ABCA4: variants seen among roughly 807,000 people sequenced by gnomAD.
ABCA4 encodes retinal-specific phospholipid-transporting ATPase ABCA4.
ABCA4 carries 196 observed loss-of-function variants against 263.7 expected under a neutral mutation model. That is an observed-to-expected ratio of 0.74 (90% CI 0.66 to 0.84). ABCA4 has a LOEUF of 0.84. Among genes scored for constraint, ABCA4 ranks in the 40% least tolerant of loss-of-function variants. ABCA4 has a pLI of 0.00. For synonymous variants in ABCA4, 1,133 were observed against 1,094.2 expected (o/e 1.04, Z -0.70); for missense variants, 2,792 against 2,855.1 (o/e 0.98, Z 0.50).
At chr1:94,019,499 C>G in intron 36 of ABCA4, 83 bp downstream of exon 36, 1 of 1,473,142 alleles carries the variant, frequency 6.8e-7, no homozygotes. Context: ...AACCCCTCCC[C>G]TCTTGGTCTG....
intron 11 of ABCA4, among the ~76,000 whole-genome samples, chr1:94,065,251 C>T (rs1322281210): frequency 6.6e-6 from 1 of 152,112 alleles, no homozygotes; most frequent in Admixed American, 6.5e-5. Flanking sequence ...GTAGGTGGAT[C>T]AGCAATTACT....
At chr1:94,069,016 A>C (rs1179022931) in intron 11 of ABCA4, among the ~76,000 whole-genome samples, 2 of 152,228 alleles carry the variant, frequency 1.3e-5, no homozygotes, top group Non-Finnish European at 2.9e-5. Context: ...CCACCATTTG[A>C]AGTCCACACA....
Position 94,113,207 on chromosome 1 carries a change from C to T in ABCA4, c.67-141G>A, listed in dbSNP as rs74104524. 16,872 of 770,872 alleles carry T rather than the reference C, an allele frequency of 0.022. 376 individuals are homozygous for T. Among genetic ancestry groups the T allele is most frequent in the African/African-American group, 0.087 (5,075 of 58,092 alleles). The allele number at this position is 770,872 out of a possible 1,614,324, so 47.8% of individuals were successfully genotyped here. ...GTGGTATCTTTACCTAAACAGTTTC[C>T]TTCCTTTACCCCCTCCCCACCATAC... On this transcript the variant is annotated intron_variant, in intron 1 of 49. Transcript: ENST00000370225.
chr1:94,030,396 T>G (rs75424561), intron 29 of ABCA4, 32 bp downstream of exon 29: 43 of 1,605,052 alleles, frequency 2.7e-5, no homozygotes, highest in Non-Finnish European at 3.6e-5. Flanking sequence ...GGGGAGCTAG[T>G]CTTCTTAGGA....
At chr1:94,086,282 T>A (rs901529086) in intron 6 of ABCA4, among the ~76,000 whole-genome samples, 3 of 152,212 alleles carry the variant, frequency 2.0e-5, no homozygotes, top group Non-Finnish European at 4.4e-5. Context: ...ATCCATTGCA[T>A]TTTCTGTACA....
At chr1:94,038,341 T>TTC (rs1226999780) in intron 24 of ABCA4, among the ~76,000 whole-genome samples, 1 of 152,088 alleles carries the variant, frequency 6.6e-6, no homozygotes, top group Admixed American at 6.5e-5. Flanking sequence ...GAAGAGAGAG[T>TTC]TCTCTCGCAC....
intron 32 of ABCA4, 134 bp downstream of exon 32, chr1:94,023,252 C>A: frequency 1.4e-6 from 1 of 726,772 alleles, no homozygotes; most frequent in South Asian, 1.6e-5. Context: ...TTCTTCAGGA[C>A]GTGTCTTGTG....
chr1:94,076,449 T>G (rs1431472457), intron 11 of ABCA4, among the ~76,000 whole-genome samples: 1 of 152,216 alleles, frequency 6.6e-6, no homozygotes, highest in Non-Finnish European at 1.5e-5. Flanking sequence ...ATTATTTATG[T>G]CCACCAATAA....
In ABCA4 at chr1:94,056,798, C is replaced by T. The variant is rs771277298; in HGVS notation, c.2185G>A (p.Asp729Asn). 1.1e-5 allele frequency: 17 copies of T among 1,609,120 alleles called. No homozygotes were observed. The highest frequency in any genetic ancestry group is 1.3e-5 in the African/African-American group (1 of 74,788). Residue 729 changes from aspartate to asparagine, a missense_variant, in exon 15 of 50, where the codon GAC (aspartate) becomes AAC (asparagine). Transcript: ENST00000370225. ...AAGAACAGGAAGAGGATGAATGGGT[C>T]GCTGTAATGTAGGATTCTTCCATGC... ...IMHGRILHYSDPFILFLFLLA... is the reference protein window; with the variant it reads ...IMHGRILHYSNPFILFLFLLA...
rs1280742023 is a variant in ABCA4, at chr1:94,083,424, G to A, written c.786C>T (p.Asp262=). Residue 262 remains aspartate (D), a synonymous_variant, in exon 7 of 50, where the codon GAC becomes GAT. Coordinates refer to ENST00000370225, the MANE Select transcript of ABCA4 (RefSeq NM_000350.3). The part of the protein sequence containing the change: ...KLFRVLPTLL[D]SRSQGINLRS... Reference sequence around the variant, plus strand: ...TCAGATTGATACCTTGAGAACGGCTGTCTAGGAGTGTGGGAAGCTGTAATT... The same window carrying A: ...TCAGATTGATACCTTGAGAACGGCTATCTAGGAGTGTGGGAAGCTGTAATT... 1 of 1,613,482 alleles carries A rather than the reference G, an allele frequency of 6.2e-7. No homozygotes were observed. The highest frequency in any genetic ancestry group is 1.7e-5 in the Admixed American group (1 of 60,028).
rs756670412 is a variant in ABCA4, at chr1:94,019,663, C to A, written c.5115G>T (p.Arg1705=). Residue 1705 remains arginine (R), a synonymous_variant, in exon 36 of 50, where the codon CGG becomes CGT. Coordinates refer to ENST00000370225, the MANE Select transcript of ABCA4 (RefSeq NM_000350.3). ...ACTGGAGGTGCTTGGATTTGTTCAC[C>A]CGCTCCTGGATCAAATAAAGGACAA... ...ASFVLYLIQE[R]VNKSKHLQFI... 2.5e-6 allele frequency: 4 copies of A among 1,613,352 alleles called. No individual in the cohort carries two copies. The highest frequency in any genetic ancestry group is 3.4e-6 in the Non-Finnish European group (4 of 1,179,724).
chr1:94,078,893 C>G (rs1233602890), intron 9 of ABCA4, among the ~76,000 whole-genome samples, 187 bp from the exon 10 acceptor site: 1 of 152,138 alleles, frequency 6.6e-6, no homozygotes, highest in African/African-American at 2.4e-5. Flanking sequence ...CCTGGGCTGA[C>G]AGAATCTAAT....
In ABCA4 at chr1:94,001,911, G is replaced by A. The variant is rs61750645; in HGVS notation, c.6229C>T (p.Arg2077Trp). The A allele has an allele frequency of 8.7e-6, 14 of 1,614,088 alleles. No homozygotes were observed. Among genetic ancestry groups the A allele is most frequent in the Non-Finnish European group, 1.1e-5 (13 of 1,180,048 alleles). The change falls in exon 45 of 50, where the codon CGG becomes TGG. Residue 2077 changes from arginine to tryptophan, a missense_variant. By Grantham distance (101) the Arg-to-Trp change is moderately radical (BLOSUM62 -3). Coordinates refer to ENST00000370225, the MANE Select transcript of ABCA4 (RefSeq NM_000350.3). ...LAGTYSGGNKRKLSTAIALIG... is the reference protein window; with the variant it reads ...LAGTYSGGNKWKLSTAIALIG... ...AGTGCGATGGCTGTGGAGAGTTTCC[G>A]CTTGTTGCCCCCACTGTACGTGCCA... is the stretch of plus-strand genomic sequence containing the variant.
At chr1:94,063,877 C>CA (rs1661196958) in intron 11 of ABCA4, among the ~76,000 whole-genome samples, 4 of 151,806 alleles carry the variant, frequency 2.6e-5, no homozygotes, top group Middle Eastern at 3.4e-3. Context: ...AATTCTGTGA[C>CA]AAGTAATGCT....
chr1:94,030,697 G>A lies in ABCA4; in HGVS notation c.4254-171C>T, dbSNP rs2297671. On this transcript the variant is annotated intron_variant, in intron 28 of 49. Coordinates refer to ENST00000370225, the MANE Select transcript of ABCA4 (RefSeq NM_000350.3). ...AGTGCGGTAGGCTGCCTGAACACTCGCAGTGGTCTGATGGCATGTCACCTA... is the reference window on the plus strand; with the variant it reads ...AGTGCGGTAGGCTGCCTGAACACTCACAGTGGTCTGATGGCATGTCACCTA... 0.45 allele frequency among the ~76,000 whole-genome samples: 68,028 copies of A among 152,008 alleles called. 15,452 individuals carry two copies. Among genetic ancestry groups the A allele is most frequent in the Non-Finnish European group, 0.49 (33,274 of 67,946 alleles).
At position 94,079,251 on chromosome 1, in the gene ABCA4, A is replaced by T. The variant is rs113931184; in HGVS notation, c.1239+71T>A. ...GCTACCAGGAAGGCACATCTCTCTC[A>T]CACACACACACACACACACACACTT... On this transcript the variant is annotated intron_variant, in intron 9 of 49. Transcript: ENST00000370225. The T allele has an allele frequency of 0.036, 29,771 of 837,916 alleles. 100 individuals are homozygous for T. Among genetic ancestry groups the T allele is most frequent in the South Asian group, 0.043 (1,696 of 39,118 alleles). The allele number at this position is 837,916 out of a possible 1,614,324, so 51.9% of individuals were successfully genotyped here. A position where few individuals can be genotyped will look rare whatever the true frequency, so the allele number is the denominator to read the frequency against.
At chr1:94,116,033 T>A (rs1662748883) in intron 1 of ABCA4, among the ~76,000 whole-genome samples, 1 of 152,158 alleles carries the variant, frequency 6.6e-6, no homozygotes, top group Non-Finnish European at 1.5e-5. Flanking sequence ...TGCATTGTCA[T>A]CCTCCCTTGC....
intron 5 of ABCA4, among the ~76,000 whole-genome samples, chr1:94,101,276 T>C (rs139612181): frequency 4.6e-5 from 7 of 152,340 alleles, no homozygotes; most frequent in African/African-American, 1.4e-4. Context: ...GACTTGAGTT[T>C]TACGAGCTGA....
chr1:94,106,966 A>C (rs1196027244), intron 4 of ABCA4, among the ~76,000 whole-genome samples: 1 of 151,694 alleles, frequency 6.6e-6, no homozygotes. Flanking sequence ...TCATCTCTCC[A>C]CCCCCAGAGA....
Sources: allele counts gnomAD v4.1 joint callset (sites outside exome capture counted in the v4.1 genomes callset), GRCh38; gene constraint gnomAD v4.1.1; transcripts MANE v1.5; gene names NCBI Gene and HGNC (gene_info 2026-07-23, HGNC 2026-07-21).